AGBL1: variants seen among roughly 807,000 people sequenced by gnomAD.
The protein encoded by AGBL1 is AGBL carboxypeptidase 1.
Under a neutral mutation model 118.9 loss-of-function variants are expected in AGBL1, and 130 were observed. The ratio of observed to expected loss-of-function variants is 1.09; its 90% CI spans 0.95 to 1.26. The LOEUF (loss-of-function observed/expected upper bound fraction) is 1.26, where lower values mean the gene tolerates loss of function less well. Among genes scored for constraint, AGBL1 ranks in the 50% most tolerant of loss-of-function variants. The probability of loss-of-function intolerance (pLI) is 0.00; values close to 1 mark genes in which losing one functional copy is unlikely to be tolerated. For synonymous variants in AGBL1, 555 were observed against 478.9 expected (o/e 1.16, Z -2.08); for missense variants, 1,584 against 1,298.1 (o/e 1.22, Z -3.38).
chr15:86,917,604 C>G, downstream of AGBL1, among the ~76,000 whole-genome samples: 1 of 152,160 alleles, frequency 6.6e-6, no homozygotes. The surrounding 1 kb of genome is among the most constrained non-coding windows in gnomAD (Gnocchi z 4.8). Context: ...TGTTCCAGGC[C>G]TTGTCATTGC....
At chr15:86,923,782 A>T (rs2141623241) in intron 23 of AGBL1, among the ~76,000 whole-genome samples, 1 of 152,334 alleles carries the variant, frequency 6.6e-6, no homozygotes, top group East Asian at 1.9e-4. Context: ...TTCATGTTAA[A>T]TATTATTTTC....
chr15:86,146,774 C>T (rs990087260), intron 3 of AGBL1, among the ~76,000 whole-genome samples: 1 of 151,840 alleles, frequency 6.6e-6, no homozygotes, highest in Non-Finnish European at 1.5e-5. Context: ...GTTGGCTGCT[C>T]ATGAAGGAAT....
chr15:86,700,651 G>C (rs569169041), intron 22 of AGBL1, among the ~76,000 whole-genome samples: 20 of 152,074 alleles, frequency 1.3e-4, no homozygotes, highest in African/African-American at 4.8e-4. Context: ...TGAAAATTAG[G>C]ACCAAAAAAT....
At chr15:86,340,815 A>G (rs1293336702) in intron 17 of AGBL1, among the ~76,000 whole-genome samples, 3 of 152,106 alleles carry the variant, frequency 2.0e-5, no homozygotes, top group Non-Finnish European at 1.5e-5. Context: ...ATGATCCCCA[A>G]AGGAGGTGGC....
chr15:86,333,204 A>G (rs1406409072), intron 17 of AGBL1, among the ~76,000 whole-genome samples: 1 of 152,192 alleles, frequency 6.6e-6, no homozygotes, highest in Non-Finnish European at 1.5e-5. Context: ...ACTGAACAAA[A>G]TTGAGACTCC....
At chr15:86,563,171 C>T (rs2083854067) in intron 21 of AGBL1, among the ~76,000 whole-genome samples, 1 of 152,026 alleles carries the variant, frequency 6.6e-6, no homozygotes. Flanking sequence ...TTAGTTATTT[C>T]TTGCCTTCTG....
chr15:86,530,131 A>G (rs1365353968), intron 19 of AGBL1, among the ~76,000 whole-genome samples: 2 of 140,326 alleles, frequency 1.4e-5, no homozygotes, highest in East Asian at 3.9e-4. Flanking sequence ...ATGTAAATGG[A>G]CTAAATTCTC....
At chr15:86,146,747 A>T (rs1423422910) in intron 3 of AGBL1, among the ~76,000 whole-genome samples, 1 of 152,170 alleles carries the variant, frequency 6.6e-6, no homozygotes, top group Non-Finnish European at 1.5e-5. Context: ...GGCTGACCTG[A>T]ACAGAACAGA....
rs139284986 is a variant in AGBL1, at chr15:86,564,918, C to T, written c.2994+10381C>T. ...ACTGATACCTTTTCTTCCAGTTGAT[C>T]GAATTGCCTACTGGAGCTTGTGCAT... On this transcript the variant is annotated intron_variant, in intron 21 of 22. Coordinates refer to ENST00000614907, the MANE Select transcript of AGBL1 (RefSeq NM_001386094.1). Among the ~76,000 whole-genome samples, 115 of 152,252 alleles carry T rather than the reference C, an allele frequency of 7.6e-4. 1 individual carries two copies. The highest frequency in any genetic ancestry group is 6.1e-3 in the Admixed American group (93 of 15,292).
chr15:86,225,226 G>A (rs563224940), intron 6 of AGBL1, among the ~76,000 whole-genome samples: 1 of 151,656 alleles, frequency 6.6e-6, no homozygotes, highest in Non-Finnish European at 1.5e-5. Context: ...GACCCTAAAG[G>A]GGGTATATTG....
chr15:86,467,193 G>T (rs2082418485), intron 18 of AGBL1, among the ~76,000 whole-genome samples: 1 of 152,194 alleles, frequency 6.6e-6, no homozygotes, highest in Non-Finnish European at 1.5e-5. Context: ...ATCTAGAGAT[G>T]CAGTCTGGCT....
intron 22 of AGBL1, among the ~76,000 whole-genome samples, chr15:86,885,510 C>A (rs1311246367): frequency 6.6e-6 from 1 of 152,164 alleles, no homozygotes; most frequent in Non-Finnish European, 1.5e-5. Flanking sequence ...CTCTCTATAT[C>A]ATGTTATATT....
intron 18 of AGBL1, among the ~76,000 whole-genome samples, chr15:86,477,531 G>T (rs1340471098): frequency 4.6e-5 from 7 of 152,166 alleles, no homozygotes; most frequent in Non-Finnish European, 7.3e-5. Flanking sequence ...GACTAAACCA[G>T]GAAGAAGTTG....
intron 5 of AGBL1, among the ~76,000 whole-genome samples, chr15:86,176,732 G>T (rs1044492495): frequency 6.6e-6 from 1 of 152,130 alleles, no homozygotes; most frequent in Non-Finnish European, 1.5e-5. Context: ...CTTGGGTCTG[G>T]GGAGTGTGTG....
chr15:86,996,533 T>A (rs1160671801), intron 24 of AGBL1, among the ~76,000 whole-genome samples: 1 of 152,088 alleles, frequency 6.6e-6, no homozygotes, highest in African/African-American at 2.4e-5. Context: ...GCCTGAGAGG[T>A]CAAAGCTGTA....
chr15:87,015,608 G>T (rs2081601796), intron 24 of AGBL1, among the ~76,000 whole-genome samples: 1 of 152,078 alleles, frequency 6.6e-6, no homozygotes, highest in Non-Finnish European at 1.5e-5. Flanking sequence ...AGTTGAAAAT[G>T]GTTTAGTGGA....
chr15:86,366,743 C>T (rs1316535865), intron 17 of AGBL1, among the ~76,000 whole-genome samples: 5 of 152,156 alleles, frequency 3.3e-5, no homozygotes, highest in Non-Finnish European at 7.3e-5. Flanking sequence ...CTCCCAAATC[C>T]TGGAATTACT....
In AGBL1 at chr15:86,797,821, G is replaced by A. The variant is rs117409412; in HGVS notation, c.3159-109266G>A. 6.1e-4 allele frequency among the ~76,000 whole-genome samples: 93 copies of A among 152,290 alleles called. 1 individual carries two copies. In the East Asian group the frequency reaches 0.016, roughly 27 times the overall value. On this transcript the variant is annotated intron_variant, in intron 22 of 22. Coordinates refer to ENST00000614907, the MANE Select transcript of AGBL1 (RefSeq NM_001386094.1). ...ACCTGCAAAGGGAAGGAAGCCCTTG[G>A]AGGTGGAGGCCTTAGAATAAGATCA...
At chr15:86,992,890 C>A (rs115562354) in intron 24 of AGBL1, among the ~76,000 whole-genome samples, 2 of 152,134 alleles carry the variant, frequency 1.3e-5, no homozygotes, top group South Asian at 4.1e-4. Context: ...AGTTTCCTTA[C>A]GGGTGACTGT....
Sources: allele counts gnomAD v4.1 joint callset (sites outside exome capture counted in the v4.1 genomes callset), GRCh38; gene constraint gnomAD v4.1.1; non-coding constraint Gnocchi (gnomAD v3.1); transcripts MANE v1.5; gene names NCBI Gene and HGNC (gene_info 2026-07-23, HGNC 2026-07-21).